The following PRKCA variants were observed in gnomAD, a reference collection of about 807,000 sequenced individuals.
PRKCA encodes protein kinase C alpha type.
PRKCA carries 27 observed loss-of-function variants against 87.0 expected under a neutral mutation model. The ratio of observed to expected loss-of-function variants is 0.31; its 90% CI spans 0.23 to 0.43. The LOEUF (loss-of-function observed/expected upper bound fraction) is 0.43, where lower values mean the gene tolerates loss of function less well. Among genes scored for constraint, PRKCA ranks in the 20% least tolerant of loss-of-function variants. The pLI, the probability that PRKCA is intolerant of heterozygous loss-of-function variation, is 1.00. For missense variants in PRKCA, 518 were observed against 852.3 expected (o/e 0.61, Z 4.88); for synonymous variants, 329 against 311.1 (o/e 1.06, Z -0.61).
At chr17:66,762,894 G>A (rs1290940639) in intron 13 of PRKCA, among the ~76,000 whole-genome samples, 1 of 152,176 alleles carries the variant, frequency 6.6e-6, no homozygotes, top group Non-Finnish European at 1.5e-5. Context: ...GGGTTCAAGC[G>A]ATTCTCCTGC....
At chr17:66,303,063 C>T in intron 1 of PRKCA, 39 bp downstream of exon 1, 7 of 1,582,618 alleles carry the variant, frequency 4.4e-6, no homozygotes, top group Non-Finnish European at 5.1e-6. Flanking sequence ...CGCTCCTCCC[C>T]GCCTCCGGGT....
chr17:66,672,999 C>T (rs1037442307), intron 5 of PRKCA, among the ~76,000 whole-genome samples: 5 of 152,042 alleles, frequency 3.3e-5, no homozygotes, highest in African/African-American at 1.2e-4. Context: ...TGGGTGCACC[C>T]GTTACTCCTA....
chr17:66,484,362 A>G (rs1455317996), intron 2 of PRKCA, among the ~76,000 whole-genome samples: 1 of 152,216 alleles, frequency 6.6e-6, no homozygotes, highest in Non-Finnish European at 1.5e-5. Context: ...TTATTTGCCA[A>G]TTCTGTGTAG....
chr17:66,391,439 T>TC (rs1910351625), intron 2 of PRKCA, among the ~76,000 whole-genome samples: 2 of 152,128 alleles, frequency 1.3e-5, no homozygotes, highest in African/African-American at 4.8e-5. Context: ...TCCAGTGGTG[T>TC]CATCTGCTCC....
At chr17:66,549,148 T>C (rs1968249711) in intron 3 of PRKCA, among the ~76,000 whole-genome samples, 1 of 151,752 alleles carries the variant, frequency 6.6e-6, no homozygotes, top group African/African-American at 2.4e-5. Flanking sequence ...GCAGTTTTTT[T>C]TTTTTTTTTT....
chr17:66,449,681 A>AG (rs1598681825), intron 2 of PRKCA, among the ~76,000 whole-genome samples: 2 of 152,308 alleles, frequency 1.3e-5, no homozygotes, highest in East Asian at 1.9e-4. Context: ...TTCAAGTCAG[A>AG]GGGACTACAC....
At chr17:66,495,153 T>A (rs1481482437) in intron 2 of PRKCA, among the ~76,000 whole-genome samples, 4 of 152,094 alleles carry the variant, frequency 2.6e-5, no homozygotes, top group Non-Finnish European at 5.9e-5. Flanking sequence ...AGTTATTTTG[T>A]TGATTCATCC....
chr17:66,384,035 T>A (rs577564356), intron 2 of PRKCA, among the ~76,000 whole-genome samples: 3 of 152,344 alleles, frequency 2.0e-5, no homozygotes, highest in African/African-American at 7.2e-5. Context: ...TGCACTTTCC[T>A]ATTTTTTATG....
intron 16 of PRKCA, among the ~76,000 whole-genome samples, chr17:66,799,484 A>G (rs867941710): frequency 1.8e-4 from 2 of 11,328 alleles, no homozygotes; most frequent in Admixed American, 1.1e-3. Flanking sequence ...GGTGGTGGTG[A>G]TGGTGGTGGT....
intron 3 of PRKCA, among the ~76,000 whole-genome samples, chr17:66,622,895 C>T (rs576161950): frequency 8.5e-5 from 13 of 152,192 alleles, no homozygotes; most frequent in Admixed American, 8.5e-4. Flanking sequence ...CCACCAGGTC[C>T]CTCCCACGAC....
rs186927402 is a variant in PRKCA, at chr17:66,315,968, C to G, written c.205+9841C>G. Among the ~76,000 whole-genome samples, 130 of 152,268 alleles carry G rather than the reference C, an allele frequency of 8.5e-4. 1 individual carries two copies. Among genetic ancestry groups the G allele is most frequent in the Admixed American group, 4.7e-3 (72 of 15,298 alleles). ...CACGTACATTATATTACATCTTAGT[C>G]TGAATGAAATAACAGTTTTTGAAGC... On this transcript the variant is annotated intron_variant, in intron 2 of 16. Coordinates refer to ENST00000413366, the MANE Select transcript of PRKCA (RefSeq NM_002737.3).
intron 2 of PRKCA, among the ~76,000 whole-genome samples, chr17:66,354,492 C>G (rs1479474339): frequency 6.6e-6 from 1 of 152,112 alleles, no homozygotes; most frequent in East Asian, 1.9e-4. Flanking sequence ...TAAGTCTGGT[C>G]TCTGTCATTT....
chr17:66,687,023 C>A lies in PRKCA; in HGVS notation c.530-88C>A. On this transcript the variant is annotated intron_variant, in intron 5 of 16. Coordinates refer to ENST00000413366, the MANE Select transcript of PRKCA (RefSeq NM_002737.3). ...CTCCTTAAACGCCATTCTGACGTCT[C>A]TTTTATTCAGCTTGGTATTGACACA... 5.7e-6 allele frequency: 7 copies of A among 1,230,634 alleles called. No homozygotes were observed. The South Asian group carries it at 9.0e-5, about 16-fold the overall frequency. The allele number at this position is 1,230,634 out of a possible 1,614,324, so 76.2% of individuals were successfully genotyped here.
At chr17:66,795,450 T>C (rs1975642817) in intron 16 of PRKCA, among the ~76,000 whole-genome samples, 1 of 152,238 alleles carries the variant, frequency 6.6e-6, no homozygotes, top group Non-Finnish European at 1.5e-5. Flanking sequence ...TCATGCTGTA[T>C]CTAGGTTTGA....
chr17:66,445,010 C>G (rs1244062206), intron 2 of PRKCA, among the ~76,000 whole-genome samples: 1 of 152,136 alleles, frequency 6.6e-6, no homozygotes, highest in African/African-American at 2.4e-5. Context: ...CTGCTAAACA[C>G]ATAGGTACTG....
In PRKCA at chr17:66,805,001, T is replaced by C; in HGVS notation, c.*964T>C. The C allele has an allele frequency of 4.1e-6, 4 of 985,288 alleles. No individual in the cohort carries two copies. Among genetic ancestry groups the C allele is most frequent in the Non-Finnish European group, 4.8e-6 (4 of 829,620 alleles). The allele number at this position is 985,288 out of a possible 1,614,324, so 61.0% of individuals were successfully genotyped here. ...CGCCCTCTCCCCTTTTGTGCTTATT[T>C]ATTTAATAGGCTGCAGTGTCGCTTA... On this transcript the variant is annotated 3_prime_UTR_variant, in exon 17 of 17. Coordinates refer to ENST00000413366, the MANE Select transcript of PRKCA (RefSeq NM_002737.3).
At chr17:66,328,266 C>T (rs67828405) in intron 2 of PRKCA, among the ~76,000 whole-genome samples, 57,473 of 151,666 alleles carry the variant, frequency 0.38, 10,948 homozygotes, top group Middle Eastern at 0.54. Context: ...TTGTCCAGGT[C>T]GGTCTTGAAC....
At chr17:66,703,281 T>C (rs1014514913) in intron 8 of PRKCA, 1 of 152,210 alleles carries the variant, frequency 6.6e-6, no homozygotes, top group African/African-American at 2.4e-5. Context: ...TTTAAAAATT[T>C]AAAATTTTTT....
intron 16 of PRKCA, among the ~76,000 whole-genome samples, chr17:66,793,863 T>A (rs544089358): frequency 1.3e-5 from 2 of 152,354 alleles, no homozygotes; most frequent in African/African-American, 4.8e-5. Flanking sequence ...TCCAGGATTC[T>A]GATCCACCGT....
Sources: gnomAD v4.1 joint callset for allele counts (sites outside exome capture counted in the v4.1 genomes callset) on GRCh38, gnomAD v4.1.1 for gene constraint, MANE v1.5 for transcripts, NCBI Gene and HGNC (gene_info 2026-07-23, HGNC 2026-07-21) for gene names.